The following KIAA1549 variants were observed in gnomAD, a reference collection of about 807,000 sequenced individuals.
KIAA1549 encodes the protein UPF0606 protein KIAA1549.
A neutral mutation model predicts 156.4 loss-of-function variants in KIAA1549; 70 were observed. The observed-to-expected ratio is 0.45, with a 90% CI of 0.37 to 0.55. The LOEUF (loss-of-function observed/expected upper bound fraction) is 0.55, where lower values mean the gene tolerates loss of function less well. Among genes scored for constraint, KIAA1549 ranks in the 20% least tolerant of loss-of-function variants. The pLI is 0.00. For synonymous variants in KIAA1549, 1,103 were observed against 1,066.4 expected, an observed-to-expected ratio of 1.03 and a Z score of -0.67; for missense variants, 2,428 against 2,540.9, an observed-to-expected ratio of 0.96 and a Z score of 0.96.
At chr7:138,911,352 T>G in intron 3 of KIAA1549, 29 bp from the exon 4 acceptor site, 1 of 1,493,506 alleles carries the variant, frequency 6.7e-7, no homozygotes, top group Non-Finnish European at 9.1e-7. Flanking sequence ...CAAAGACAAT[T>G]CAAACTTAAA....
intron 1 of KIAA1549, among the ~76,000 whole-genome samples, chr7:138,948,214 G>A (rs770300168): frequency 2.0e-5 from 3 of 152,182 alleles, no homozygotes; most frequent in Non-Finnish European, 4.4e-5. Flanking sequence ...GTAAAGTGAG[G>A]TCACTGTGGT....
At position 138,838,094 on chromosome 7, in the gene KIAA1549, T is replaced by G. The variant is rs1340191687; in HGVS notation, c.5665A>C (p.Arg1889=). ...PLFQVPRTSG[R]EPSAPSGNLP... is the part of the protein sequence containing the mutation. ...TTCCCGGAAGGAGCTGAGGGCTCCC[T>G]GCCTGAAGTCCTTGGCACCTGAAAT... Residue 1889 remains arginine (R), a synonymous_variant, in exon 20 of 20, where the codon AGG becomes CGG. Coordinates refer to ENST00000422774, the MANE Select transcript of KIAA1549 (RefSeq NM_001164665.2). The G allele has an allele frequency of 6.4e-7, 1 of 1,570,164 alleles. No individual in the cohort carries two copies. The highest frequency in any genetic ancestry group is 8.6e-7 in the Non-Finnish European group (1 of 1,160,690).
intron 10 of KIAA1549, among the ~76,000 whole-genome samples, chr7:138,893,643 TGG>T (rs1811603675): frequency 6.6e-6 from 1 of 152,222 alleles, no homozygotes. Flanking sequence ...ATGATCAAGG[TGG>T]GTAAGTGGGC....
rs578241526 is a variant in KIAA1549 at position 138,909,374 on chromosome 7, G to A, written c.3146-253C>T. Among the ~76,000 whole-genome samples, 4 of 152,264 alleles carry A rather than the reference G, an allele frequency of 2.6e-5. No homozygotes were observed. The East Asian group carries it at 7.7e-4, about 29-fold the overall frequency. On this transcript the variant is annotated intron_variant, in intron 4 of 19. Transcript: ENST00000422774. ...AAAAATATCTAAGATAAGAATTTGA[G>A]TATCAAAAGACACAATGGATGGAAA...
rs968580758 is a variant in KIAA1549, at chr7:138,981,096, G to A, written c.174C>T (p.Ala58=). Residue 58 remains alanine, a synonymous_variant, in exon 1 of 20, where the codon GCC becomes GCT. Coordinates refer to ENST00000422774, the MANE Select transcript of KIAA1549 (RefSeq NM_001164665.2). The surrounding 1 kb of genome is among the most constrained non-coding windows in gnomAD (Gnocchi z 4.5). Reference sequence around the variant, plus strand: ...GGCGGAGCTTACCTGGGGCGCACGAGGCCGGCCGGGCCAGCAGCAGCAGCC... The same window carrying A: ...GGCGGAGCTTACCTGGGGCGCACGAAGCCGGCCGGGCCAGCAGCAGCAGCC... The part of the protein sequence containing the change: ...GLWLLLLARP[A]SCAPDELSPE... 43 of 1,224,318 alleles carry A rather than the reference G, an allele frequency of 3.5e-5. No individual in the cohort carries two copies. The highest frequency in any genetic ancestry group is 4.0e-5 in the Non-Finnish European group (39 of 982,788). The allele number at this position is 1,224,318 out of a possible 1,614,324, so 75.8% of individuals were successfully genotyped here. A position where few individuals can be genotyped will look rare whatever the true frequency, so the allele number is the denominator to read the frequency against.
At chr7:138,949,738 CA>C (rs557950950) in intron 1 of KIAA1549, among the ~76,000 whole-genome samples, 60 of 152,320 alleles carry the variant, frequency 3.9e-4, no homozygotes, top group Non-Finnish European at 3.1e-4. Flanking sequence ...CACATGACTG[CA>C]GACCCCAGGA....
At chr7:138,884,680 T>G (rs1811341567) in intron 10 of KIAA1549, among the ~76,000 whole-genome samples, 1 of 152,222 alleles carries the variant, frequency 6.6e-6, no homozygotes, top group Admixed American at 6.5e-5. Flanking sequence ...TGGTATAGCA[T>G]CACATGGCAG....
rs769423800 is a variant in KIAA1549, at chr7:138,868,123, C to G, written c.4781G>C (p.Arg1594Pro). Reference protein sequence around the residue: ...SVFIEPRKSSRIKRSPKPRRK... With the variant: ...SVFIEPRKSSPIKRSPKPRRK... ...GCGAGGCTTGGGAGAACGTTTTATC[C>G]GTGAGCTGCCAGGAAAAAGAGAAAT... The change falls in exon 15 of 20, where the codon CGG becomes CCG. Residue 1594 changes from arginine (R) to proline (P), a missense_variant. Physicochemically the swap from Arg to Pro is moderately radical, Grantham distance 103. Transcript: ENST00000422774. The G allele has an allele frequency of 6.2e-7, 1 of 1,612,772 alleles. No homozygotes were observed. Among genetic ancestry groups the G allele is most frequent in the Non-Finnish European group, 8.5e-7 (1 of 1,179,524 alleles).
intron 1 of KIAA1549, among the ~76,000 whole-genome samples, chr7:138,921,410 T>C (rs1265614529): frequency 6.6e-6 from 1 of 152,208 alleles, no homozygotes; most frequent in African/African-American, 2.4e-5. Flanking sequence ...GACACTGCTA[T>C]GGCTTATGTA....
At chr7:138,857,533 G>A (rs1262014619) in intron 16 of KIAA1549, among the ~76,000 whole-genome samples, 3 of 152,202 alleles carry the variant, frequency 2.0e-5, no homozygotes, top group African/African-American at 7.2e-5. Context: ...GTTTTTCAAA[G>A]TGGTTGTGCT....
In KIAA1549 at chr7:138,909,006, A is replaced by G; in HGVS notation, c.3261T>C (p.Tyr1087=). 6.2e-7 allele frequency: 1 copy of G among 1,614,044 alleles called. No homozygotes were observed. The highest frequency in any genetic ancestry group is 1.1e-5 in the South Asian group (1 of 91,088). ...FEVRKHHQGT[Y]NLTVQILNIT... is the part of the protein sequence containing the mutation. ...ATATTCTCACCTGCACCGTGAGGTT[A>G]TACGTTCCCTGGTGGTGTTTTCTCA... Residue 1087 remains tyrosine (Y), a synonymous_variant, in exon 5 of 20, where the codon TAT becomes TAC. Coordinates refer to ENST00000422774, the MANE Select transcript of KIAA1549 (RefSeq NM_001164665.2).
intron 1 of KIAA1549, among the ~76,000 whole-genome samples, chr7:138,961,112 A>G (rs1352583402): frequency 6.6e-6 from 1 of 152,116 alleles, no homozygotes; most frequent in Non-Finnish European, 1.5e-5. Flanking sequence ...AATGCCCACA[A>G]CCTCTTGCCC....
At chr7:138,954,990 C>T (rs1292981438) in intron 1 of KIAA1549, among the ~76,000 whole-genome samples, 1 of 152,170 alleles carries the variant, frequency 6.6e-6, no homozygotes, top group African/African-American at 2.4e-5. Context: ...CAGACAGCAG[C>T]AGGCCTCGGA....
chr7:138,847,516 C>T (rs1336092659), intron 17 of KIAA1549, among the ~76,000 whole-genome samples: 1 of 152,170 alleles, frequency 6.6e-6, no homozygotes, highest in African/African-American at 2.4e-5. Flanking sequence ...GAAGGGATGG[C>T]TGGGTTTGGT....
At position 138,868,007 on chromosome 7, in the gene KIAA1549, CG is replaced by C; in HGVS notation, c.4896del (p.Gly1633AlafsTer78). 3 of 1,613,878 alleles carry C rather than the reference CG, an allele frequency of 1.9e-6. No individual in the cohort carries two copies. Among genetic ancestry groups the C allele is most frequent in the Non-Finnish European group, 2.5e-6 (3 of 1,179,822 alleles). ...TDSDGTYRRPPGVHNSAYIGC... is the reference protein window; with the variant it reads ...TDSDGTYRRPXGVHNSAYIGC... ...CCGATGTAGGCTGAGTTGTGGACGC[CG>C]GGGGGCCTCCTGTAGGTGCCATCGC... On this transcript the variant is annotated frameshift_variant, in exon 15 of 20. Coordinates refer to ENST00000422774, the MANE Select transcript of KIAA1549 (RefSeq NM_001164665.2). LOFTEE classifies it high-confidence loss of function.
intron 19 of KIAA1549, among the ~76,000 whole-genome samples, chr7:138,839,100 A>G (rs1157292189): frequency 1.3e-5 from 2 of 152,196 alleles, no homozygotes; most frequent in African/African-American, 4.8e-5. Context: ...AGCAAACTTA[A>G]AGCAGATACC....
At chr7:138,926,324 T>C (rs1012180832) in intron 1 of KIAA1549, among the ~76,000 whole-genome samples, 2 of 152,104 alleles carry the variant, frequency 1.3e-5, no homozygotes, top group African/African-American at 4.8e-5. Flanking sequence ...TTTTGTTGTG[T>C]CAGCCAGGCT....
chr7:138,935,366 C>T (rs963655169), intron 1 of KIAA1549, among the ~76,000 whole-genome samples: 3 of 152,152 alleles, frequency 2.0e-5, no homozygotes, highest in Non-Finnish European at 4.4e-5. Context: ...CTTTGTTTTG[C>T]TTTATTCTTT....
At chr7:138,949,630 C>G (rs962108759) in intron 1 of KIAA1549, among the ~76,000 whole-genome samples, 1 of 152,070 alleles carries the variant, frequency 6.6e-6, no homozygotes, top group African/African-American at 2.4e-5. Context: ...CCTGAGTGAA[C>G]AAAGGTCCAA....
Sources: gnomAD v4.1 joint callset for allele counts (sites outside exome capture counted in the v4.1 genomes callset) on GRCh38, gnomAD v4.1.1 for gene constraint, Gnocchi (gnomAD v3.1) non-coding constraint, MANE v1.5 for transcripts, NCBI Gene and HGNC (gene_info 2026-07-23, HGNC 2026-07-21) for gene names.